ATP8A2: variants seen among roughly 807,000 people sequenced by gnomAD.
The protein encoded by ATP8A2 is phospholipid-transporting ATPase IB.
Under a neutral mutation model 165.6 loss-of-function variants are expected in ATP8A2, and 100 were observed. The observed-to-expected ratio is 0.60, with a 90% CI of 0.51 to 0.71. The LOEUF is 0.71. Ranked by LOEUF, ATP8A2 falls within the 30% of genes least tolerant of loss-of-function variation. ATP8A2 has a pLI of 0.00. For synonymous variants in ATP8A2, 543 were observed against 548.8 expected (o/e 0.99, Z 0.15); for missense variants, 1,227 against 1,479.5 (o/e 0.83, Z 2.80).
chr13:25,647,015 C>T (rs1332753205), intron 24 of ATP8A2, among the ~76,000 whole-genome samples: 1 of 152,190 alleles, frequency 6.6e-6, no homozygotes, highest in Non-Finnish European at 1.5e-5. Flanking sequence ...CTACACTTCT[C>T]TTTCCCCCAT....
intron 2 of ATP8A2, among the ~76,000 whole-genome samples, chr13:25,493,545 G>T (rs1050582187): frequency 2.0e-5 from 3 of 152,138 alleles, no homozygotes; most frequent in African/African-American, 7.2e-5. Flanking sequence ...AAACATATGC[G>T]GGAACCGGAA....
chr13:25,579,194 C>T (rs977555449), intron 21 of ATP8A2, among the ~76,000 whole-genome samples: 10 of 152,310 alleles, frequency 6.6e-5, no homozygotes, highest in Non-Finnish European at 1.3e-4. Context: ...CTCTTGGTGT[C>T]CTTATGTCAC....
intron 35 of ATP8A2, among the ~76,000 whole-genome samples, chr13:25,977,442 G>C (rs543070850): frequency 1.6e-3 from 241 of 152,278 alleles, no homozygotes; most frequent in African/African-American, 5.4e-3. Context: ...TTACCGAAAG[G>C]CTGCCCGCAT....
chr13:25,830,651 A>C (rs1951437295), intron 28 of ATP8A2, among the ~76,000 whole-genome samples: 1 of 152,210 alleles, frequency 6.6e-6, no homozygotes, highest in Non-Finnish European at 1.5e-5. Flanking sequence ...TATAGAGAAA[A>C]GTTACAAAAA....
intron 11 of ATP8A2, among the ~76,000 whole-genome samples, chr13:25,552,480 C>CT (rs2038854604): frequency 6.6e-6 from 1 of 152,054 alleles, no homozygotes; most frequent in Non-Finnish European, 1.5e-5. Flanking sequence ...TTAGCAATTG[C>CT]TTTTTTAAAA....
At chr13:25,535,987 A>T (rs1361774311) in intron 6 of ATP8A2, among the ~76,000 whole-genome samples, 2 of 152,192 alleles carry the variant, frequency 1.3e-5, no homozygotes, top group African/African-American at 4.8e-5. Context: ...CTTTGAATTT[A>T]AAAAAATCCA....
chr13:25,778,271 C>T (rs756405305), intron 27 of ATP8A2, among the ~76,000 whole-genome samples: 5 of 152,178 alleles, frequency 3.3e-5, no homozygotes, highest in Non-Finnish European at 7.3e-5. Flanking sequence ...GTTCCTTGAA[C>T]ATAACACATG....
In ATP8A2 at chr13:25,823,343, C is replaced by G. The variant is rs559501843; in HGVS notation, c.2680-4775C>G. ...GAAACTGATCTTCTTTGAATAGTGT[C>G]TTTTTCATGTTCATTTGACATGTTT... On this transcript the variant is annotated intron_variant, in intron 27 of 36. Transcript: ENST00000381655. Among the ~76,000 whole-genome samples, 5 of 152,038 alleles carry G rather than the reference C, an allele frequency of 3.3e-5. No homozygotes were observed. In the South Asian group the frequency reaches 8.3e-4, roughly 25 times the overall value.
At chr13:25,768,100 A>C (rs1200184011) in intron 25 of ATP8A2, among the ~76,000 whole-genome samples, 1 of 149,482 alleles carries the variant, frequency 6.7e-6, no homozygotes, top group African/African-American at 2.5e-5. Context: ...TGGGGGGGCA[A>C]GTGCTGTTTA....
In ATP8A2 at chr13:25,796,765, A is replaced by T. The variant is rs1166440106; in HGVS notation, c.2679+21806A>T. ...TTTTTAAATTCCAGGTGTATTACTC[A>T]TTAAATATGGACATTGTAGCCAAGA... is the stretch of plus-strand genomic sequence containing the variant. On this transcript the variant is annotated intron_variant, in intron 27 of 36. Coordinates refer to ENST00000381655, the MANE Select transcript of ATP8A2 (RefSeq NM_016529.6). Among the ~76,000 whole-genome samples, 6 of 152,338 alleles carry T rather than the reference A, an allele frequency of 3.9e-5. No individual in the cohort carries two copies. In the East Asian group the frequency reaches 1.2e-3, roughly 29 times the overall value.
chr13:25,942,878 G>C (rs1354303242), intron 33 of ATP8A2, among the ~76,000 whole-genome samples: 1 of 152,186 alleles, frequency 6.6e-6, no homozygotes, highest in Non-Finnish European at 1.5e-5. Context: ...TCTGCCTGTG[G>C]TACAAAGTAG....
intron 1 of ATP8A2, among the ~76,000 whole-genome samples, chr13:25,459,375 C>A (rs749350011): frequency 1.3e-5 from 2 of 152,180 alleles, no homozygotes; most frequent in East Asian, 3.9e-4. Flanking sequence ...CCACTTAAGA[C>A]AGAATGCGAA....
At chr13:25,854,881 A>C (rs1489031721) in intron 30 of ATP8A2, among the ~76,000 whole-genome samples, 1 of 152,186 alleles carries the variant, frequency 6.6e-6, no homozygotes, top group African/African-American at 2.4e-5. Flanking sequence ...TAATATATTC[A>C]CAGAGTTGTA....
At chr13:25,892,979 G>T (rs1953423941) in intron 33 of ATP8A2, among the ~76,000 whole-genome samples, 2 of 151,936 alleles carry the variant, frequency 1.3e-5, no homozygotes, top group Admixed American at 1.3e-4. Context: ...ATCAAACATA[G>T]GACATATCAA....
chr13:25,946,497 C>T (rs1316891855), intron 33 of ATP8A2, among the ~76,000 whole-genome samples: 1 of 152,188 alleles, frequency 6.6e-6, no homozygotes, highest in Non-Finnish European at 1.5e-5. Context: ...CTCCTCCTCA[C>T]GTCGCCAGTG....
rs372429577 is a variant in ATP8A2 at position 25,968,653 on chromosome 13, G to A, written c.3351G>A (p.Ala1117=). 36 of 1,613,490 alleles carry A rather than the reference G, an allele frequency of 2.2e-5. No homozygotes were observed. The African/African-American group carries it at 2.5e-4, about 11-fold the overall frequency. The change falls in exon 35 of 37, where the codon GCG becomes GCA. Residue 1117 remains alanine (A), a synonymous_variant. Coordinates refer to ENST00000381655, the MANE Select transcript of ATP8A2 (RefSeq NM_016529.6). The part of the protein sequence containing the change: ...LETKSRVLGK[A]VLRDSNGKRL... ...CCAAGTCTCGAGTCCTGGGAAAAGC[G>A]GTGCTGCGGGATAGCAATGGAAAGA... is the stretch of plus-strand genomic sequence containing the variant.
At chr13:25,666,584 A>G (rs1350618682) in intron 24 of ATP8A2, among the ~76,000 whole-genome samples, 4 of 152,162 alleles carry the variant, frequency 2.6e-5, no homozygotes. Context: ...AAGTTTTGCT[A>G]TTGGAAATAT....
At chr13:25,897,172 T>C (rs1284542875) in intron 33 of ATP8A2, among the ~76,000 whole-genome samples, 3 of 152,212 alleles carry the variant, frequency 2.0e-5, no homozygotes, top group East Asian at 1.9e-4. Context: ...TGGCTGGTAC[T>C]GGTTGTTCCT....
chr13:25,526,780 C>G (rs1428538001), intron 2 of ATP8A2, among the ~76,000 whole-genome samples: 1 of 152,204 alleles, frequency 6.6e-6, no homozygotes, highest in Non-Finnish European at 1.5e-5. Context: ...TGCCTCCTCA[C>G]TTTGTCTCTG....
Sources: gnomAD v4.1 joint callset for allele counts (sites outside exome capture counted in the v4.1 genomes callset) on GRCh38, gnomAD v4.1.1 for gene constraint, MANE v1.5 for transcripts, NCBI Gene and HGNC (gene_info 2026-07-23, HGNC 2026-07-21) for gene names.